Variants in PTPRD observed in about 807,000 individuals in gnomAD.
The protein encoded by PTPRD is protein tyrosine phosphatase receptor type D.
Under a neutral mutation model 214.5 loss-of-function variants are expected in PTPRD, and 34 were observed. The observed-to-expected ratio is 0.16, with a 90% CI of 0.12 to 0.21. PTPRD has a LOEUF of 0.21. Ranked by LOEUF, PTPRD falls within the 10% of genes least tolerant of loss-of-function variation. PTPRD has a pLI of 1.00. For missense variants in PTPRD, 2,545 were observed against 2,398.7 expected (o/e 1.06, Z -1.27); for synonymous variants, 1,128 against 845.7 (o/e 1.33, Z -5.79).
intron 11 of PTPRD, among the ~76,000 whole-genome samples, chr9:8,961,348 C>T (rs1294684833): frequency 2.6e-5 from 4 of 152,132 alleles, no homozygotes; most frequent in Non-Finnish European, 5.9e-5. Context: ...CACTTGAGGT[C>T]TTACATTCTT....
At chr9:8,831,858 G>A (rs1268213836) in intron 11 of PTPRD, among the ~76,000 whole-genome samples, 2 of 152,060 alleles carry the variant, frequency 1.3e-5, no homozygotes, top group Non-Finnish European at 2.9e-5. Flanking sequence ...GACAAAAACT[G>A]CTTCCAAATC....
chr9:9,549,918 G>T (rs893072946), intron 8 of PTPRD, among the ~76,000 whole-genome samples: 1 of 151,996 alleles, frequency 6.6e-6, no homozygotes, highest in African/African-American at 2.4e-5. Context: ...AAGAATGATG[G>T]ATAAAAGTAA....
chr9:8,331,224 AAAGACAGTT>A (rs1166481629), intron 44 of PTPRD, among the ~76,000 whole-genome samples: 1 of 149,642 alleles, frequency 6.7e-6, no homozygotes, highest in East Asian at 1.9e-4. Flanking sequence ...CAAACAGAAG[AAAGACAGTT>A]ATCAGTGCAT....
At chr9:8,761,712 A>G (rs1381791070) in intron 11 of PTPRD, among the ~76,000 whole-genome samples, 1 of 152,206 alleles carries the variant, frequency 6.6e-6, no homozygotes, top group Non-Finnish European at 1.5e-5. Flanking sequence ...AATAATAACC[A>G]TGGTCAAGGA....
intron 3 of PTPRD, among the ~76,000 whole-genome samples, chr9:10,200,089 C>T (rs1005811845): frequency 1.3e-5 from 2 of 151,998 alleles, no homozygotes; most frequent in African/African-American, 4.8e-5. Flanking sequence ...TAGTGATCAA[C>T]ACATTTTGTG....
chr9:9,294,320 T>C (rs993440242), intron 9 of PTPRD, among the ~76,000 whole-genome samples: 5 of 151,722 alleles, frequency 3.3e-5, no homozygotes, highest in South Asian at 2.1e-4. Context: ...CCTGTGTATA[T>C]ACACATACCT....
chr9:10,398,296 G>A (rs576332206), intron 2 of PTPRD, among the ~76,000 whole-genome samples: 2 of 151,680 alleles, frequency 1.3e-5, no homozygotes, highest in Non-Finnish European at 2.9e-5. Context: ...GGGAAAAATT[G>A]CTTGAGTCCC....
intron 6 of PTPRD, among the ~76,000 whole-genome samples, chr9:9,740,283 T>A (rs562811759): frequency 1.3e-5 from 2 of 152,304 alleles, no homozygotes; most frequent in South Asian, 4.1e-4. Context: ...CATTAATATA[T>A]AAACATTTGA....
intron 4 of PTPRD, among the ~76,000 whole-genome samples, chr9:10,000,280 T>G (rs1284439365): frequency 6.6e-6 from 1 of 152,204 alleles, no homozygotes; most frequent in Non-Finnish European, 1.5e-5. Context: ...CACTGTTAGT[T>G]ATAGTCTATA....
intron 30 of PTPRD, among the ~76,000 whole-genome samples, chr9:8,477,755 G>T (rs1284808544): frequency 6.6e-6 from 1 of 152,140 alleles, no homozygotes; most frequent in Non-Finnish European, 1.5e-5. Flanking sequence ...GTCTGGGGCA[G>T]TCCTGTTTAT....
At chr9:8,677,667 A>G (rs562602926) in intron 12 of PTPRD, among the ~76,000 whole-genome samples, 15 of 152,288 alleles carry the variant, frequency 9.8e-5, no homozygotes, top group Non-Finnish European at 1.6e-4. Flanking sequence ...AACTAAAATA[A>G]AAGTTTTAAA....
At chr9:9,457,859 T>A (rs1359391871) in intron 8 of PTPRD, among the ~76,000 whole-genome samples, 1 of 152,054 alleles carries the variant, frequency 6.6e-6, no homozygotes, top group African/African-American at 2.4e-5. Flanking sequence ...CCAAAGGGCA[T>A]AGAGCAGTCC....
intron 3 of PTPRD, among the ~76,000 whole-genome samples, chr9:10,103,588 T>C (rs1023593655): frequency 2.6e-5 from 4 of 151,028 alleles, no homozygotes; most frequent in Non-Finnish European, 4.4e-5. Context: ...GGTTTTATGG[T>C]TGTGCTTTTG....
chr9:9,591,749 T>C (rs944939147), intron 7 of PTPRD, among the ~76,000 whole-genome samples: 3 of 152,096 alleles, frequency 2.0e-5, no homozygotes, highest in African/African-American at 7.2e-5. Context: ...AGTTACATTA[T>C]GTAATGATCA....
At chr9:8,602,189 TTCTA>T (rs1183404550) in intron 14 of PTPRD, among the ~76,000 whole-genome samples, 4 of 152,206 alleles carry the variant, frequency 2.6e-5, no homozygotes, top group East Asian at 1.9e-4. Context: ...GACCTTAGCA[TTCTA>T]TCTTTCACCT....
chr9:9,771,157 T>C (rs890335667), intron 5 of PTPRD, among the ~76,000 whole-genome samples: 27 of 152,164 alleles, frequency 1.8e-4, no homozygotes, highest in Admixed American at 8.5e-4. Context: ...ATTATGTTCT[T>C]TTTCCCACCT....
chr9:10,587,301 A>C (rs1348032016), intron 2 of PTPRD, among the ~76,000 whole-genome samples: 1 of 152,082 alleles, frequency 6.6e-6, no homozygotes, highest in African/African-American at 2.4e-5. Context: ...TTTTTCACAA[A>C]ACTATCGTCT....
At chr9:9,998,123 A>ATATATATATATATATATATAT (rs1555449048) in intron 4 of PTPRD, among the ~76,000 whole-genome samples, 1 of 47,762 alleles carries the variant, frequency 2.1e-5, no homozygotes, top group African/African-American at 1.0e-4. Context: ...AATAAAAAAA[A>ATATATATATATATATATATAT]AAAAAAATAT....
At chr9:8,553,628 A>T (rs891818690) in intron 14 of PTPRD, among the ~76,000 whole-genome samples, 1 of 152,228 alleles carries the variant, frequency 6.6e-6, no homozygotes, top group African/African-American at 2.4e-5. Context: ...TGACAGGTAC[A>T]TGACTCAGCA....
Sources: gnomAD v4.1 joint callset for allele counts (sites outside exome capture counted in the v4.1 genomes callset) on GRCh38, gnomAD v4.1.1 for gene constraint, MANE v1.5 for transcripts, NCBI Gene and HGNC (gene_info 2026-07-23, HGNC 2026-07-21) for gene names.